EXT2: variants seen among roughly 807,000 people sequenced by gnomAD.
EXT2 encodes exostosin-2.
EXT2 carries 53 observed loss-of-function variants against 81.6 expected under a neutral mutation model. That is an observed-to-expected ratio of 0.65 (90% CI 0.52 to 0.82). The LOEUF (loss-of-function observed/expected upper bound fraction) is 0.82, where lower values mean the gene tolerates loss of function less well. Ranked by LOEUF, EXT2 falls within the 40% of genes least tolerant of loss-of-function variation. The probability of loss-of-function intolerance (pLI) is 0.00; values close to 1 mark genes in which losing one functional copy is unlikely to be tolerated. For missense variants in EXT2, 774 were observed against 910.2 expected (o/e 0.85, Z 1.93); for synonymous variants, 320 against 340.0 (o/e 0.94, Z 0.65).
In EXT2 at chr11:44,247,716, G is replaced by A. The variant is rs1259963188; in HGVS notation, c.*3429G>A. ...GACCATCATGCTGGTCTGTGCTGAC[G>A]CAGACTGGGAGCTGGAAGAGACAAG... is the stretch of plus-strand genomic sequence containing the variant. On this transcript the variant is annotated 3_prime_UTR_variant, in exon 14 of 14. Coordinates refer to ENST00000533608, the MANE Select transcript of EXT2 (RefSeq NM_207122.2). 1.3e-5 allele frequency among the ~76,000 whole-genome samples: 2 copies of A among 152,282 alleles called. No homozygotes were observed. Among genetic ancestry groups the A allele is most frequent in the Admixed American group, 6.5e-5 (1 of 15,300 alleles).
intron 8 of EXT2, among the ~76,000 whole-genome samples, chr11:44,178,657 A>C (rs987427261): frequency 2.0e-5 from 3 of 152,248 alleles, no homozygotes; most frequent in Non-Finnish European, 4.4e-5. Context: ...AGTTGAAAAG[A>C]TACCAGGTTA....
rs1321376905 is a variant in EXT2 at position 44,245,332 on chromosome 11, A to G, written c.*1045A>G. The G allele has an allele frequency of 4.6e-6, 1 of 217,826 alleles. No homozygotes were observed. Among genetic ancestry groups the G allele is most frequent in the African/African-American group, 2.3e-5 (1 of 44,442 alleles). The allele number at this position is 217,826 out of a possible 1,614,324, so 13.5% of individuals were successfully genotyped here. On this transcript the variant is annotated 3_prime_UTR_variant, in exon 14 of 14. Coordinates refer to ENST00000533608, the MANE Select transcript of EXT2 (RefSeq NM_207122.2). ...TTTTGGTATAAACTTAACATTAGCCAGGGAGGTTCTGGCTAACGTTAAATG... is the reference window on the plus strand; with the variant it reads ...TTTTGGTATAAACTTAACATTAGCCGGGGAGGTTCTGGCTAACGTTAAATG...
At chr11:44,111,228 A>G (rs970685111) in intron 3 of EXT2, among the ~76,000 whole-genome samples, 2 of 152,186 alleles carry the variant, frequency 1.3e-5, no homozygotes, top group Non-Finnish European at 2.9e-5. Context: ...AATGCTGCTT[A>G]AATGTTTTTA....
Position 44,108,182 on chromosome 11 carries a change from T to A in EXT2, c.470T>A (p.Ile157Asn). The change falls in exon 2 of 14, where the codon ATC becomes AAC. Residue 157 changes from isoleucine to asparagine, a missense_variant. Coordinates refer to ENST00000533608, the MANE Select transcript of EXT2 (RefSeq NM_207122.2). ...CGGGCCTGTCTGTTTGTTCCCTCCATCGATGTGCTTAACCAGAACACACTG... is the reference window on the plus strand; with the variant it reads ...CGGGCCTGTCTGTTTGTTCCCTCCAACGATGTGCTTAACCAGAACACACTG... The part of the protein sequence containing the change: ...INRACLFVPS[I>N]DVLNQNTLRI... The A allele has an allele frequency of 6.2e-7, 1 of 1,613,950 alleles. No homozygotes were observed. The highest frequency in any genetic ancestry group is 1.1e-5 in the South Asian group (1 of 91,080).
intron 7 of EXT2, among the ~76,000 whole-genome samples, chr11:44,134,375 G>A (rs921392033): frequency 1.3e-5 from 2 of 152,180 alleles, no homozygotes; most frequent in Non-Finnish European, 2.9e-5. Flanking sequence ...TAAGCATAAA[G>A]AAAGTTGAGA....
intron 6 of EXT2, among the ~76,000 whole-genome samples, chr11:44,129,012 C>T (rs1954450638): frequency 6.6e-6 from 1 of 152,200 alleles, no homozygotes; most frequent in African/African-American, 2.4e-5. Context: ...AATGTAATTA[C>T]AAACTCTGCC....
In EXT2 at chr11:44,191,169, G is replaced by A. The variant is rs190385321; in HGVS notation, c.1306-6660G>A. On this transcript the variant is annotated intron_variant, in intron 8 of 13. Transcript: ENST00000533608. ...TTGTGACCTGACAGTTCTCGTGGCT[G>A]TTAGGGATTACTTTTATGCAATTGC... Among the ~76,000 whole-genome samples the A allele has an allele frequency of 2.4e-3, 369 of 152,326 alleles. 2 individuals are homozygous for A. Among genetic ancestry groups the A allele is most frequent in the African/African-American group, 8.5e-3 (352 of 41,574 alleles).
chr11:44,100,072 A>T (rs781266315), intron 1 of EXT2, among the ~76,000 whole-genome samples: 9 of 152,098 alleles, frequency 5.9e-5, no homozygotes, highest in Non-Finnish European at 1.2e-4. Flanking sequence ...GACAGCTCTG[A>T]AGTGTGTTCT....
At chr11:44,117,485 G>T (rs752684050) in intron 4 of EXT2, among the ~76,000 whole-genome samples, 1 of 152,142 alleles carries the variant, frequency 6.6e-6, no homozygotes, top group African/African-American at 2.4e-5. Flanking sequence ...GTTAATTTTT[G>T]TATGTGGTAT....
rs747334014 is a variant in EXT2, at chr11:44,166,571, A to G, written c.1174-5040A>G. Among the ~76,000 whole-genome samples, 152 of 152,208 alleles carry G rather than the reference A, an allele frequency of 1.0e-3. 2 individuals carry two copies. The highest frequency in any genetic ancestry group is 3.1e-4 in the Non-Finnish European group (21 of 68,022). ...CTTCTTATTAGTTAGTGGAGATGAT[A>G]TTAGTTACATAACTCAAGTTACCCT... On this transcript the variant is annotated intron_variant, in intron 7 of 13. Transcript: ENST00000533608.
intron 1 of EXT2, among the ~76,000 whole-genome samples, chr11:44,105,068 C>T (rs1954036076): frequency 6.6e-6 from 1 of 152,070 alleles, no homozygotes; most frequent in South Asian, 2.1e-4. Flanking sequence ...ATATTTTACC[C>T]CCAAAACTGA....
chr11:44,129,305 CAG>C (rs936790478), intron 6 of EXT2, among the ~76,000 whole-genome samples: 5 of 152,286 alleles, frequency 3.3e-5, no homozygotes, highest in Admixed American at 3.3e-4. Context: ...CTTGCCATCT[CAG>C]AAAAAAAGCA....
At chr11:44,152,616 G>A (rs978608935) in intron 7 of EXT2, among the ~76,000 whole-genome samples, 6 of 152,246 alleles carry the variant, frequency 3.9e-5, no homozygotes, top group Admixed American at 3.3e-4. Context: ...TTCCCAAAGT[G>A]CTGAGATTAC....
At chr11:44,193,033 A>G (rs1350951255) in intron 8 of EXT2, among the ~76,000 whole-genome samples, 6 of 152,204 alleles carry the variant, frequency 3.9e-5, no homozygotes, top group Admixed American at 3.3e-4. Flanking sequence ...GCATTGTTCT[A>G]AATAGTGGGT....
chr11:44,103,296 A>AT (rs1168258804), intron 1 of EXT2, among the ~76,000 whole-genome samples: 1 of 152,044 alleles, frequency 6.6e-6, no homozygotes, highest in Non-Finnish European at 1.5e-5. Context: ...GAGTCTGTGA[A>AT]TTGATGTATT....
chr11:44,158,921 G>A (rs1003921446), intron 7 of EXT2, among the ~76,000 whole-genome samples: 1 of 151,748 alleles, frequency 6.6e-6, no homozygotes, highest in Non-Finnish European at 1.5e-5. Context: ...TCCTTCTATT[G>A]CATGGTTTTT....
intron 7 of EXT2, among the ~76,000 whole-genome samples, chr11:44,148,025 A>C (rs1261632392): frequency 1.3e-5 from 2 of 152,080 alleles, no homozygotes; most frequent in East Asian, 3.9e-4. Flanking sequence ...AGTCATGTGC[A>C]TCTGTTTCCC....
rs1469427989 is a variant in EXT2 at position 44,247,056 on chromosome 11, G to A, written c.*2769G>A. On this transcript the variant is annotated 3_prime_UTR_variant, in exon 14 of 14. Coordinates refer to ENST00000533608, the MANE Select transcript of EXT2 (RefSeq NM_207122.2). Reference sequence around the variant, plus strand: ...GGGATGGGCCTGCTTGGAATGCCAGGGCTGGAAATACTTTTTTATTTTGCT... The same window carrying A: ...GGGATGGGCCTGCTTGGAATGCCAGAGCTGGAAATACTTTTTTATTTTGCT... Among the ~76,000 whole-genome samples, 1 of 152,194 alleles carries A rather than the reference G, an allele frequency of 6.6e-6. No individual in the cohort carries two copies. Among genetic ancestry groups the A allele is most frequent in the Non-Finnish European group, 1.5e-5 (1 of 68,042 alleles).
chr11:44,114,134 C>T (rs2134983794), intron 3 of EXT2, 51 bp from the exon 4 acceptor site: 1 of 1,458,234 alleles, frequency 6.9e-7, no homozygotes, highest in South Asian at 1.1e-5. Flanking sequence ...CAGTGTGTAT[C>T]AGAATAAAGT....
Sources: gnomAD v4.1 joint callset for allele counts (sites outside exome capture counted in the v4.1 genomes callset) on GRCh38, gnomAD v4.1.1 for gene constraint, MANE v1.5 for transcripts, NCBI Gene and HGNC (gene_info 2026-07-23, HGNC 2026-07-21) for gene names.